ABLIM1: variants seen among roughly 807,000 people sequenced by gnomAD.
ABLIM1 encodes the protein actin-binding LIM protein 1.
A neutral mutation model predicts 107.0 loss-of-function variants in ABLIM1; 40 were observed. That is an observed-to-expected ratio of 0.37 (90% CI 0.29 to 0.49). The LOEUF is 0.49. ABLIM1 is among the 20% of genes least tolerant of loss of function. The probability of loss-of-function intolerance (pLI) is 0.97; values close to 1 mark genes in which losing one functional copy is unlikely to be tolerated. For synonymous variants in ABLIM1, 357 were observed against 357.3 expected (o/e 1.00, Z 0.01); for missense variants, 857 against 1,008.5 (o/e 0.85, Z 2.04).
At chr10:114,702,525 CTTTTTTTTTT>C (rs11374796) in intron 1 of ABLIM1, among the ~76,000 whole-genome samples, 1 of 129,588 alleles carries the variant, frequency 7.7e-6, no homozygotes, top group African/African-American at 3.0e-5. Context: ...AGTAAGAACA[CTTTTTTTTTT>C]TTTTTTTTTG....
intron 2 of ABLIM1, among the ~76,000 whole-genome samples, chr10:114,586,241 C>T (rs79322984): frequency 0.024 from 3,320 of 139,082 alleles, 105 homozygotes; most frequent in African/African-American, 0.069. Flanking sequence ...GACCACCACT[C>T]AATAACCTAA....
intron 2 of ABLIM1, among the ~76,000 whole-genome samples, chr10:114,588,658 C>A (rs891002764): frequency 6.6e-6 from 1 of 151,762 alleles, no homozygotes; most frequent in South Asian, 2.1e-4. Context: ...CCATGCCTGG[C>A]TAATTTTTTT....
chr10:114,527,529 T>C (rs2064951000), intron 6 of ABLIM1, among the ~76,000 whole-genome samples: 2 of 152,194 alleles, frequency 1.3e-5, no homozygotes, highest in African/African-American at 4.8e-5. Context: ...AGCCAGTGAC[T>C]GAGGGGAAGC....
At chr10:114,535,516 G>A (rs1333934624) in intron 6 of ABLIM1, among the ~76,000 whole-genome samples, 1 of 152,108 alleles carries the variant, frequency 6.6e-6, no homozygotes, top group East Asian at 1.9e-4. Context: ...TCGCCATGTT[G>A]GCCAGGCTTG....
At chr10:114,628,919 G>A (rs2077993383) in intron 1 of ABLIM1, among the ~76,000 whole-genome samples, 1 of 152,158 alleles carries the variant, frequency 6.6e-6, no homozygotes, top group Non-Finnish European at 1.5e-5. Context: ...AGGTTGACGA[G>A]CGTGTATTTA....
chr10:114,625,166 G>A (rs1020302016), intron 1 of ABLIM1, among the ~76,000 whole-genome samples: 1 of 152,198 alleles, frequency 6.6e-6, no homozygotes, highest in Non-Finnish European at 1.5e-5. Flanking sequence ...CCAAGGGCAG[G>A]TAGGGGTGAG....
intron 6 of ABLIM1, among the ~76,000 whole-genome samples, chr10:114,493,357 G>C (rs762675093): frequency 6.6e-6 from 1 of 152,194 alleles, no homozygotes; most frequent in Non-Finnish European, 1.5e-5. Context: ...CCATGGTGTC[G>C]TCTGCAGTGA....
intron 1 of ABLIM1, among the ~76,000 whole-genome samples, chr10:114,733,122 T>C (rs1010466628): frequency 4.6e-5 from 7 of 152,134 alleles, no homozygotes; most frequent in African/African-American, 1.4e-4. Context: ...CAAAACTGCT[T>C]AGAAGGGTTT....
chr10:114,568,075 A>G (rs2071037934), intron 4 of ABLIM1, among the ~76,000 whole-genome samples: 1 of 151,354 alleles, frequency 6.6e-6, no homozygotes, highest in African/African-American at 2.4e-5. Flanking sequence ...CTGTAGTCCC[A>G]GCTACTCGGG....
chr10:114,574,602 G>A (rs185718829), intron 3 of ABLIM1, among the ~76,000 whole-genome samples: 21 of 152,138 alleles, frequency 1.4e-4, no homozygotes, highest in Admixed American at 4.6e-4. Flanking sequence ...ACCTCGCCTG[G>A]CTAATTTTTT....
intron 6 of ABLIM1, among the ~76,000 whole-genome samples, chr10:114,520,545 T>C (rs946212458): frequency 1.3e-5 from 2 of 152,066 alleles, no homozygotes; most frequent in African/African-American, 2.4e-5. Context: ...ATTGTAACCC[T>C]GGATTAAAGT....
intron 1 of ABLIM1, among the ~76,000 whole-genome samples, chr10:114,732,517 G>A (rs1436928487): frequency 6.6e-6 from 1 of 151,886 alleles, no homozygotes; most frequent in African/African-American, 2.4e-5. Context: ...CCATTCTGTA[G>A]GTTGCAATTT....
In ABLIM1 at chr10:114,634,135, T is replaced by C. The variant is rs868189456; in HGVS notation, c.244+23822A>G. On this transcript the variant is annotated intron_variant, in intron 1 of 22. Transcript: ENST00000533213. The stretch of plus-strand genomic sequence containing the variant: ...TGCCATTAGCTCAATTTTTCTTTTT[T>C]TTTTTTTTTTTTTTTGAGACGGAGT... 1.4e-3 allele frequency among the ~76,000 whole-genome samples: 132 copies of C among 92,174 alleles called. 4 individuals carry two copies. The highest frequency in any genetic ancestry group is 8.7e-3 in the Middle Eastern group (2 of 230). 60.5% of individuals were successfully genotyped at this position (92,174 alleles called of 152,430 possible). A position where few individuals can be genotyped will look rare whatever the true frequency, so the allele number is the denominator to read the frequency against.
chr10:114,800,286 G>A, the ABLIM1 span, among the ~76,000 whole-genome samples: 2 of 152,054 alleles, frequency 1.3e-5, no homozygotes, highest in Admixed American at 6.6e-5. Context: ...GACAGTATTC[G>A]ACATCCTGTA....
At chr10:114,542,061 C>T (rs894845136) in intron 6 of ABLIM1, among the ~76,000 whole-genome samples, 12 of 152,268 alleles carry the variant, frequency 7.9e-5, no homozygotes, top group African/African-American at 2.6e-4. Context: ...AGTATTTTCT[C>T]GTCTCTCTTT....
chr10:114,575,889 T>C (rs74158019), intron 2 of ABLIM1, among the ~76,000 whole-genome samples: 5 of 152,300 alleles, frequency 3.3e-5, no homozygotes, highest in Admixed American at 1.3e-4. Flanking sequence ...TCATTCAGGC[T>C]GTCTCAAATA....
intron 1 of ABLIM1, among the ~76,000 whole-genome samples, chr10:114,695,327 T>G (rs964366696): frequency 1.3e-5 from 2 of 152,132 alleles, no homozygotes; most frequent in Non-Finnish European, 1.5e-5. Context: ...GGAATCAACA[T>G]AAGGTGCTCT....
the ABLIM1 span, among the ~76,000 whole-genome samples, chr10:114,785,711 C>T: frequency 0.65 from 98,376 of 151,992 alleles, 31,867 homozygotes; most frequent in African/African-American, 0.69. Flanking sequence ...CTAATGGAAA[C>T]AGTTTTTGTT....
At position 114,639,263 on chromosome 10, in the gene ABLIM1, C is replaced by T. The variant is rs888789986; in HGVS notation, c.244+18694G>A. Among the ~76,000 whole-genome samples, 4 of 152,282 alleles carry T rather than the reference C, an allele frequency of 2.6e-5. No homozygotes were observed. In the South Asian group the frequency reaches 6.2e-4, roughly 24 times the overall value. On this transcript the variant is annotated intron_variant, in intron 1 of 22. Transcript: ENST00000533213. ...CACATCTCAGCAAGTTTCTCTAGTT[C>T]TTAGTACAGAGAAGAGACCATGCAA... is the stretch of plus-strand genomic sequence containing the variant.
Sources: gnomAD v4.1 joint callset for allele counts (sites outside exome capture counted in the v4.1 genomes callset) on GRCh38, gnomAD v4.1.1 for gene constraint, MANE v1.5 for transcripts, NCBI Gene and HGNC (gene_info 2026-07-23, HGNC 2026-07-21) for gene names.